The following ATP2C2 variants were observed in gnomAD, a reference collection of about 807,000 sequenced individuals.
ATP2C2 encodes ATPase secretory pathway Ca2+ transporting 2, also known as calcium-transporting ATPase type 2C member 2.
In ATP2C2, 171 loss-of-function variants were observed where a neutral mutation model predicts 110.8. The ratio of observed to expected loss-of-function variants is 1.54; its 90% CI spans 1.36 to 1.75. The LOEUF (loss-of-function observed/expected upper bound fraction) is 1.75. Among genes scored for constraint, ATP2C2 ranks in the 40% most tolerant of loss-of-function variants. The probability of loss-of-function intolerance (pLI) is 0.00; values close to 1 mark genes in which losing one functional copy is unlikely to be tolerated. For missense variants in ATP2C2, 1,963 were observed against 1,235.0 expected (o/e 1.59, Z -8.84); for synonymous variants, 804 against 508.4 (o/e 1.58, Z -7.82).
intron 1 of ATP2C2, among the ~76,000 whole-genome samples, chr16:84,370,560 T>C (rs1218258130): frequency 6.6e-6 from 1 of 152,162 alleles, no homozygotes; most frequent in African/African-American, 2.4e-5. Context: ...GGCTCAGACC[T>C]GAACACCTCC....
In ATP2C2 at chr16:84,425,835, G is replaced by C. The variant is rs139697415; in HGVS notation, c.986+34G>C. ...GCTATGGCCGCCCCTTGCCTTGCCA[G>C]GGTGGTCAATGGGCTCTGAGCCCTT... On this transcript the variant is annotated intron_variant, in intron 11 of 26. Coordinates refer to ENST00000262429, the MANE Select transcript of ATP2C2 (RefSeq NM_014861.4). 437 of 1,609,568 alleles carry C rather than the reference G, an allele frequency of 2.7e-4. No individual in the cohort carries two copies. The East Asian group carries it at 8.4e-3, about 31-fold the overall frequency.
chr16:84,423,403 A>G lies in ATP2C2; in HGVS notation c.919+140A>G, dbSNP rs544948474. ...GGATTGGGATCAGAGGCTCTCCACA[A>G]GCAACAAGAGCTTTCTGTATAGTTG... On this transcript the variant is annotated intron_variant, in intron 10 of 26. Coordinates refer to ENST00000262429, the MANE Select transcript of ATP2C2 (RefSeq NM_014861.4). The G allele has an allele frequency of 1.1e-4, 77 of 732,068 alleles. No homozygotes were observed. The African/African-American group carries it at 1.1e-3, about 11-fold the overall frequency. The allele number at this position is 732,068 out of a possible 1,614,324, so 45.3% of individuals were successfully genotyped here.
At chr16:84,459,032 G>C (rs999613524) in intron 21 of ATP2C2, 88 bp from the exon 22 acceptor site, 23 of 1,431,928 alleles carry the variant, frequency 1.6e-5, no homozygotes, top group African/African-American at 1.1e-4. Flanking sequence ...ATCTGGGCGA[G>C]TCACCACTGC....
chr16:84,447,518 G>A (rs1421032741), intron 16 of ATP2C2, among the ~76,000 whole-genome samples: 1 of 151,490 alleles, frequency 6.6e-6, no homozygotes, highest in East Asian at 1.9e-4. Flanking sequence ...CATCTGGATG[G>A]TATTTTCAAA....
rs1433342821 is a variant in ATP2C2 at position 84,410,812 on chromosome 16, G to C, written c.515+47G>C. On this transcript the variant is annotated intron_variant, in intron 6 of 26. Coordinates refer to ENST00000262429, the MANE Select transcript of ATP2C2 (RefSeq NM_014861.4). ...ACTTTTTGGTTCACTGGAGGAGCCA[G>C]GGAGCTGGAGAGTTTGGCAAATGTT... The C allele has an allele frequency of 1.9e-6, 3 of 1,562,868 alleles. No individual in the cohort carries two copies. In the South Asian group the frequency reaches 3.3e-5, roughly 17 times the overall value.
At chr16:84,417,886 G>T (rs933539944) in intron 7 of ATP2C2, among the ~76,000 whole-genome samples, 2 of 152,222 alleles carry the variant, frequency 1.3e-5, no homozygotes, top group African/African-American at 4.8e-5. Context: ...ATTAAGCTCT[G>T]AGATCCAGGA....
chr16:84,386,336 A>C (rs1002470508), intron 1 of ATP2C2, among the ~76,000 whole-genome samples: 1 of 152,182 alleles, frequency 6.6e-6, no homozygotes, highest in Admixed American at 6.5e-5. Context: ...TTCCAGTCCA[A>C]TAAATACCAC....
rs1264509543 is a variant in ATP2C2 at position 84,442,534 on chromosome 16, G to T, written c.1336G>T (p.Val446Phe). The T allele has an allele frequency of 6.2e-7, 1 of 1,613,974 alleles. No individual in the cohort carries two copies. The highest frequency in any genetic ancestry group is 1.7e-5 in the Admixed American group (1 of 60,000). ...GGCGGGCTGTGTTGCCAACAATGCGGTCATCAGAAAGAACGCCGTGATGGG... is the reference window on the plus strand; with the variant it reads ...GGCGGGCTGTGTTGCCAACAATGCGTTCATCAGAAAGAACGCCGTGATGGG... ...VEAGCVANNA[V>F]IRKNAVMGQP... Residue 446 changes from valine (V) to phenylalanine (F), a missense_variant, in exon 15 of 27, where the codon GTC (valine) becomes TTC (phenylalanine). Transcript: ENST00000262429.
chr16:84,461,885 G>A lies in ATP2C2; in HGVS notation c.2580+73G>A, dbSNP rs957156061. ...CGACAGCAGCGCCCCGACCCTGCCC[G>A]CAGCATTGAGCGGCTCTGGCTCAGC... On this transcript the variant is annotated intron_variant, in intron 25 of 26. Coordinates refer to ENST00000262429, the MANE Select transcript of ATP2C2 (RefSeq NM_014861.4). The A allele has an allele frequency of 3.7e-5, 60 of 1,606,380 alleles. No homozygotes were observed. In the African/African-American group the frequency reaches 4.4e-4, roughly 12 times the overall value.
At chr16:84,395,909 G>C (rs1408827543) in intron 1 of ATP2C2, among the ~76,000 whole-genome samples, 2 of 151,936 alleles carry the variant, frequency 1.3e-5, no homozygotes, top group Non-Finnish European at 2.9e-5. Flanking sequence ...CCATTGTTAT[G>C]CAACCATCAC....
chr16:84,455,004 G>A lies in ATP2C2; in HGVS notation c.2147+20G>A, dbSNP rs375234918. 3.1e-6 allele frequency: 5 copies of A among 1,603,950 alleles called. No individual in the cohort carries two copies. Among genetic ancestry groups the A allele is most frequent in the Non-Finnish European group, 3.4e-6 (4 of 1,175,280 alleles). ...CATCATGTAAGCTGCCCTTCTGGTT[G>A]TTTTTCAGTTGCAAAAATGCCTGGG... On this transcript the variant is annotated intron_variant, in intron 21 of 26. Coordinates refer to ENST00000262429, the MANE Select transcript of ATP2C2 (RefSeq NM_014861.4).
chr16:84,391,455 T>A (rs1904658456), intron 1 of ATP2C2, among the ~76,000 whole-genome samples: 1 of 152,164 alleles, frequency 6.6e-6, no homozygotes, highest in African/African-American at 2.4e-5. Flanking sequence ...TATTTGCAAA[T>A]AGGGTCTTTA....
At chr16:84,429,414 A>G (rs923773891) in intron 11 of ATP2C2, among the ~76,000 whole-genome samples, 3 of 152,130 alleles carry the variant, frequency 2.0e-5, no homozygotes, top group Admixed American at 2.0e-4. Context: ...CAGCCTCCCA[A>G]AGTGCTGGGA....
chr16:84,459,389 G>A lies in ATP2C2; in HGVS notation c.2333+3G>A, dbSNP rs1911031324. The A allele has an allele frequency of 1.2e-6, 2 of 1,613,500 alleles. No homozygotes were observed. Among genetic ancestry groups the A allele is most frequent in the African/African-American group, 2.7e-5 (2 of 74,936 alleles). On this transcript the variant is annotated splice_donor_region_variant and intron_variant, in intron 23 of 26. Transcript: ENST00000262429. ...ATGGATGGGCCACCGGCGCAGAGGT[G>A]AGGCAGGGCCGGCTGGGAGCCCTGT...
chr16:84,392,729 C>G (rs898730989), intron 1 of ATP2C2, among the ~76,000 whole-genome samples: 3 of 152,192 alleles, frequency 2.0e-5, no homozygotes, highest in African/African-American at 4.8e-5. Flanking sequence ...TCTCAAAGTG[C>G]TGGGATTACG....
chr16:84,452,025 C>G lies in ATP2C2; in HGVS notation c.1765C>G (p.Leu589Val), dbSNP rs780567459. ...RVGVKEAVQVLSESGVSVKMI... is the reference protein window; with the variant it reads ...RVGVKEAVQVVSESGVSVKMI... ...TGGCGTGAAGGAAGCAGTCCAGGTT[C>G]TCTCCGAGTCTGGTGTGTCTGTGAA... Residue 589 changes from leucine to valine, a missense_variant, in exon 18 of 27, where the codon CTC (leucine) becomes GTC (valine). Transcript: ENST00000262429. The G allele has an allele frequency of 6.2e-6, 10 of 1,613,494 alleles. No individual in the cohort carries two copies. In the African/African-American group the frequency reaches 6.7e-5, roughly 11 times the overall value.
At chr16:84,388,733 C>G (rs1369059996) in intron 1 of ATP2C2, among the ~76,000 whole-genome samples, 1 of 152,176 alleles carries the variant, frequency 6.6e-6, no homozygotes, top group South Asian at 2.1e-4. Flanking sequence ...CCAATAATTA[C>G]GTGCCCTATA....
intron 11 of ATP2C2, among the ~76,000 whole-genome samples, chr16:84,435,837 AT>A (rs1908689562): frequency 2.0e-5 from 3 of 147,422 alleles, no homozygotes; most frequent in South Asian, 2.2e-4. Flanking sequence ...AAAAAAAAAA[AT>A]AAAAAACAGG....
intron 1 of ATP2C2, among the ~76,000 whole-genome samples, chr16:84,394,406 G>C (rs1464123005): frequency 6.6e-6 from 1 of 151,984 alleles, no homozygotes; most frequent in Non-Finnish European, 1.5e-5. Context: ...CTACGAATTT[G>C]CCTGTCCCGG....
Sources: gnomAD v4.1 joint callset for allele counts (sites outside exome capture counted in the v4.1 genomes callset) on GRCh38, gnomAD v4.1.1 for gene constraint, MANE v1.5 for transcripts, NCBI Gene and HGNC (gene_info 2026-07-23, HGNC 2026-07-21) for gene names.